CYREN: variants seen among roughly 807,000 people sequenced by gnomAD.
CYREN encodes cell cycle regulator of NHEJ, also known as cell cycle regulator of non-homologous end joining.
In CYREN, 7 loss-of-function variants were observed where a neutral mutation model predicts 9.7. That is an observed-to-expected ratio of 0.72 (90% CI 0.41 to 1.36). The LOEUF (loss-of-function observed/expected upper bound fraction) is 1.36. Ranked by LOEUF, CYREN falls within the 40% of genes most tolerant of loss-of-function variation. CYREN has a pLI of 0.01. For synonymous variants in CYREN, 76 were observed against 77.9 expected (o/e 0.98, Z 0.13); for missense variants, 215 against 198.1 (o/e 1.09, Z -0.51).
chr7:135,128,505 A>G, intron 2 of CYREN: 2 of 758,884 alleles, frequency 2.6e-6, no homozygotes, highest in East Asian at 4.9e-5. Context: ...TTTACGATGG[A>G]GATGAATTTA....
chr7:135,134,806 T>C (rs1451096922), intron 2 of CYREN: 1 of 1,533,984 alleles, frequency 6.5e-7, no homozygotes, highest in Non-Finnish European at 8.8e-7. Flanking sequence ...AGGTCCATGA[T>C]GGACAAAAAT....
At chr7:135,144,938 T>TAAAAAAAAAAA (rs58443282) in intron 2 of CYREN, among the ~76,000 whole-genome samples, 558 of 45,634 alleles carry the variant, frequency 0.012, 26 homozygotes, top group Non-Finnish European at 0.016. Flanking sequence ...CTCAAAAGAG[T>TAAAAAAAAAAA]AAAAAAAAAA....
At chr7:135,164,532 G>A (rs145147219), downstream of CYREN, 115 of 1,614,150 alleles carry the variant, frequency 7.1e-5, 1 homozygote, top group East Asian at 2.0e-3. Flanking sequence ...GATGTTTTAC[G>A]CTCTTCTCTG....
At chr7:135,172,287 T>C (rs1398671694), upstream of CYREN, among the ~76,000 whole-genome samples, 1 of 152,260 alleles carries the variant, frequency 6.6e-6, no homozygotes, top group African/African-American at 2.4e-5. Flanking sequence ...ACTCTTGTTC[T>C]GGTTTTGACT....
intron 2 of CYREN, among the ~76,000 whole-genome samples, chr7:135,141,816 A>G (rs1457495576): frequency 6.6e-6 from 1 of 152,282 alleles, no homozygotes; most frequent in Non-Finnish European, 1.5e-5. Context: ...CCCATAAGTA[A>G]TTCAGGAGCA....
chr7:135,114,472 G>C (rs908409812), intron 2 of CYREN, among the ~76,000 whole-genome samples: 1 of 151,518 alleles, frequency 6.6e-6, no homozygotes, highest in Non-Finnish European at 1.5e-5. Context: ...TAATTCCTTT[G>C]TATCATCTAA....
chr7:135,105,504 CTTGT>C (rs1467500367), intron 2 of CYREN, among the ~76,000 whole-genome samples: 6 of 152,168 alleles, frequency 3.9e-5, no homozygotes, highest in African/African-American at 1.4e-4. Flanking sequence ...TTCCCCATTG[CTTGT>C]TTTTGTCAGA....
chr7:135,147,096 A>G (rs753927546), intron 2 of CYREN, among the ~76,000 whole-genome samples: 105 of 152,336 alleles, frequency 6.9e-4, no homozygotes, highest in Non-Finnish European at 1.4e-3. Context: ...CTATGGTCCC[A>G]GTATTGTACT....
rs1830159772 is a variant in CYREN, at chr7:135,166,660, T to C, written c.425A>G (p.Glu142Gly). The C allele has an allele frequency of 6.2e-7, 1 of 1,608,384 alleles. No individual in the cohort carries two copies. The change falls in exon 4 of 4, where the codon GAG (glutamate) becomes GGG (glycine). Residue 142 changes from glutamate to glycine, a missense_variant. Transcript: ENST00000393114. ...SSACSRSPEE[E>G]EEEDVLKYVR... ...GTATTTCAGCACATCCTCTTCCTCC[T>C]CCTCCTCAGGGCTCCTGCTACAGGC... is the stretch of plus-strand genomic sequence containing the variant.
intron 2 of CYREN, among the ~76,000 whole-genome samples, chr7:135,110,477 T>C (rs988598804): frequency 6.6e-6 from 1 of 152,012 alleles, no homozygotes; most frequent in Non-Finnish European, 1.5e-5. Context: ...ACTGCAGGAA[T>C]TGGTGGAGTG....
intron 2 of CYREN, among the ~76,000 whole-genome samples, chr7:135,119,089 A>G (rs1826746113): frequency 1.3e-5 from 2 of 152,212 alleles, no homozygotes; most frequent in Non-Finnish European, 2.9e-5. Context: ...GAGAATGAAT[A>G]TAGGGCTGAA....
At chr7:135,142,657 T>C (rs185062363) in intron 2 of CYREN, among the ~76,000 whole-genome samples, 3 of 152,212 alleles carry the variant, frequency 2.0e-5, no homozygotes, top group Admixed American at 1.3e-4. Flanking sequence ...TATACAAAAG[T>C]CAATTGCCTC....
intron 2 of CYREN, chr7:135,128,381 G>A: frequency 1.9e-6 from 1 of 519,574 alleles, no homozygotes; most frequent in Non-Finnish European, 3.5e-6. Flanking sequence ...TGGGAGTGTA[G>A]CAGTGAGGAT....
intron 2 of CYREN, among the ~76,000 whole-genome samples, chr7:135,120,091 T>C (rs1286710617): frequency 6.6e-6 from 1 of 152,130 alleles, no homozygotes; most frequent in Non-Finnish European, 1.5e-5. Flanking sequence ...AGAGAATTTT[T>C]CACCAGAAGA....
intron 1 of CYREN, 98 bp downstream of exon 1, chr7:135,170,554 T>G (rs1043920675): frequency 2.0e-5 from 3 of 152,358 alleles, no homozygotes; most frequent in Admixed American, 1.3e-4. Flanking sequence ...CTGGCTTCCC[T>G]GCTCTCAGGT....
intron 2 of CYREN, among the ~76,000 whole-genome samples, chr7:135,114,577 C>G (rs898135188): frequency 1.3e-5 from 2 of 151,696 alleles, no homozygotes; most frequent in Admixed American, 6.6e-5. Context: ...ACCACTGATT[C>G]CTCTCTTATT....
chr7:135,139,787 T>A (rs1258779482), intron 2 of CYREN, among the ~76,000 whole-genome samples: 1 of 152,190 alleles, frequency 6.6e-6, no homozygotes, highest in African/African-American at 2.4e-5. Flanking sequence ...ATTTTCTGCA[T>A]ATGACTAGCC....
At chr7:135,101,942 G>C (rs1823898804) in intron 2 of CYREN, among the ~76,000 whole-genome samples, 1 of 152,112 alleles carries the variant, frequency 6.6e-6, no homozygotes, top group Non-Finnish European at 1.5e-5. Context: ...GAGATCCGTT[G>C]GTTTTATAAG....
At chr7:135,156,041 T>C (rs1047391596) in intron 2 of CYREN, among the ~76,000 whole-genome samples, 1 of 152,198 alleles carries the variant, frequency 6.6e-6, no homozygotes, top group Non-Finnish European at 1.5e-5. Flanking sequence ...TGTTTTTTTT[T>C]TTCCCTTTAG....
Sources: allele counts gnomAD v4.1 joint callset (sites outside exome capture counted in the v4.1 genomes callset), GRCh38; gene constraint gnomAD v4.1.1; transcripts MANE v1.5; gene names NCBI Gene and HGNC (gene_info 2026-07-23, HGNC 2026-07-21).